Variants in DAAM1 observed in about 807,000 individuals in gnomAD.
The protein encoded by DAAM1 is dishevelled associated activator of morphogenesis 1, also known as disheveled-associated activator of morphogenesis 1.
DAAM1 carries 52 observed loss-of-function variants against 130.0 expected under a neutral mutation model. The ratio of observed to expected loss-of-function variants is 0.40; its 90% CI spans 0.32 to 0.50. The LOEUF (loss-of-function observed/expected upper bound fraction) is 0.50. DAAM1 is among the 20% of genes least tolerant of loss of function. The pLI, the probability that DAAM1 is intolerant of heterozygous loss-of-function variation, is 0.61. For synonymous variants in DAAM1, 452 were observed against 444.5 expected (o/e 1.02, Z -0.21); for missense variants, 1,134 against 1,303.8 (o/e 0.87, Z 2.01).
rs563872854 is a variant in DAAM1, at chr14:59,262,656, G to A, written c.-37-785G>A. ...AATGAGTGTATAATATTCTATTAGT[G>A]TGTGTGTGTGTGTGTGTGTGTGTGT... On this transcript the variant is annotated intron_variant, in intron 1 of 24. Coordinates refer to ENST00000360909, the MANE Select transcript of DAAM1 (RefSeq NM_001270520.2). 1.1e-3 allele frequency among the ~76,000 whole-genome samples: 27 copies of A among 24,220 alleles called. No individual in the cohort carries two copies. The South Asian group carries it at 0.031, about 28-fold the overall frequency. 15.9% of individuals were successfully genotyped at this position (24,220 alleles called of 152,430 possible). A position where few individuals can be genotyped will look rare whatever the true frequency, so the allele number is the denominator to read the frequency against.
At chr14:59,192,434 G>T (rs930677435) in intron 1 of DAAM1, among the ~76,000 whole-genome samples, 1 of 152,132 alleles carries the variant, frequency 6.6e-6, no homozygotes, top group Non-Finnish European at 1.5e-5. Context: ...CTAGGTGTTT[G>T]GTTCAGGAAA....
chr14:59,202,364 A>G (rs1888131895), intron 1 of DAAM1, among the ~76,000 whole-genome samples: 1 of 152,206 alleles, frequency 6.6e-6, no homozygotes, highest in Non-Finnish European at 1.5e-5. Flanking sequence ...GCTTTAAAAA[A>G]CATTTAGACA....
At chr14:59,264,685 T>G (rs1224014945) in intron 2 of DAAM1, 1 of 152,126 alleles carries the variant, frequency 6.6e-6, no homozygotes, top group East Asian at 1.9e-4. Context: ...GGGGTACATA[T>G]GCAGGATGTG....
At chr14:59,280,560 A>G (rs1260484040) in intron 2 of DAAM1, among the ~76,000 whole-genome samples, 1 of 64,018 alleles carries the variant, frequency 1.6e-5, no homozygotes, top group African/African-American at 6.1e-5. Flanking sequence ...TTTTTTTTTC[A>G]TTTCTGCTAT....
At chr14:59,191,497 A>T (rs1887728641) in intron 1 of DAAM1, among the ~76,000 whole-genome samples, 1 of 152,100 alleles carries the variant, frequency 6.6e-6, no homozygotes, top group African/African-American at 2.4e-5. Flanking sequence ...TATTATTTCC[A>T]CTGATAGTTC....
intron 1 of DAAM1, among the ~76,000 whole-genome samples, chr14:59,253,416 G>A (rs1357176413): frequency 6.6e-6 from 1 of 152,180 alleles, no homozygotes; most frequent in East Asian, 1.9e-4. Context: ...TTTGTTCTTT[G>A]TGATGTTTCA....
At position 59,324,350 on chromosome 14, in the gene DAAM1, G is replaced by T; in HGVS notation, c.886-1G>T. 6.4e-7 allele frequency: 1 copy of T among 1,562,020 alleles called. No homozygotes were observed. The highest frequency in any genetic ancestry group is 8.7e-7 in the Non-Finnish European group (1 of 1,153,772). On this transcript the variant is annotated splice_acceptor_variant, in intron 7 of 24. Coordinates refer to ENST00000360909, the MANE Select transcript of DAAM1 (RefSeq NM_001270520.2). LOFTEE classifies it high-confidence loss of function. The stretch of plus-strand genomic sequence containing the variant: ...GTATTTTATTGCCATTTTACTTTCA[G>T]GAGAGTTTGGACTTTAGACTTCATC...
chr14:59,289,433 A>G (rs1158454003), intron 2 of DAAM1, among the ~76,000 whole-genome samples: 2 of 152,166 alleles, frequency 1.3e-5, no homozygotes, highest in African/African-American at 4.8e-5. Flanking sequence ...CCACAATGAG[A>G]TATCATACCA....
At chr14:59,344,252 G>A (rs1885974862) in intron 16 of DAAM1, among the ~76,000 whole-genome samples, 1 of 152,194 alleles carries the variant, frequency 6.6e-6, no homozygotes, top group Non-Finnish European at 1.5e-5. Flanking sequence ...CAGAGCTAAG[G>A]CTGATCTAGC....
At chr14:59,321,211 G>C (rs1175666953) in intron 5 of DAAM1, among the ~76,000 whole-genome samples, 1 of 152,166 alleles carries the variant, frequency 6.6e-6, no homozygotes, top group East Asian at 1.9e-4. Context: ...CAGTAACAAA[G>C]GAGACCACAC....
At chr14:59,268,514 C>T (rs532323407) in intron 2 of DAAM1, among the ~76,000 whole-genome samples, 3 of 152,292 alleles carry the variant, frequency 2.0e-5, no homozygotes, top group South Asian at 2.1e-4. Flanking sequence ...TTCTTATTCA[C>T]CCCCTACCAA....
At chr14:59,213,505 A>T (rs1209772720) in intron 1 of DAAM1, among the ~76,000 whole-genome samples, 2 of 152,192 alleles carry the variant, frequency 1.3e-5, no homozygotes, top group East Asian at 3.9e-4. Flanking sequence ...CTTGCAGGCC[A>T]CTATCCCTCT....
In DAAM1 at chr14:59,367,510, C is replaced by T. The variant is rs781315256; in HGVS notation, c.2908C>T (p.Leu970Phe). 6.2e-7 allele frequency: 1 copy of T among 1,613,718 alleles called. No homozygotes were observed. The highest frequency in any genetic ancestry group is 1.3e-5 in the African/African-American group (1 of 74,870). ...DEFFGIFDQF[L>F]QAVSEAKQEN... ...GTTCTTTGGCATTTTTGATCAATTT[C>T]TTCAAGCTGTGTCAGAAGCCAAACA... Residue 970 changes from leucine (L) to phenylalanine (F), a missense_variant, in exon 24 of 25, where the codon CTT (leucine) becomes TTT (phenylalanine). Leu to Phe is a conservative substitution (Grantham distance 22). This residue lies in a region of DAAM1 where 644 missense variants were observed against 695.9 expected (regional missense o/e 0.93). Transcript: ENST00000360909.
intron 11 of DAAM1, 21 bp from the exon 12 acceptor site, chr14:59,326,912 G>T: frequency 6.2e-7 from 1 of 1,612,974 alleles, no homozygotes; most frequent in Non-Finnish European, 8.5e-7. Context: ...TGTAATAAAT[G>T]CTCCTTGAAC....
At chr14:59,230,858 C>T (rs1889083686) in intron 1 of DAAM1, among the ~76,000 whole-genome samples, 1 of 152,106 alleles carries the variant, frequency 6.6e-6, no homozygotes, top group Non-Finnish European at 1.5e-5. Context: ...CAGATATGTA[C>T]ACCTATATAC....
At chr14:59,233,970 G>T (rs970921584) in intron 1 of DAAM1, among the ~76,000 whole-genome samples, 2 of 152,094 alleles carry the variant, frequency 1.3e-5, no homozygotes, top group Non-Finnish European at 2.9e-5. Flanking sequence ...TGAGGTCTCT[G>T]TTCTGTTCCA....
Position 59,205,084 on chromosome 14 carries a change from A to G in DAAM1, c.-38+16316A>G, listed in dbSNP as rs547708259. Among the ~76,000 whole-genome samples the G allele has an allele frequency of 5.7e-4, 87 of 152,312 alleles. 1 individual carries two copies. The highest frequency in any genetic ancestry group is 1.6e-3 in the African/African-American group (65 of 41,560). ...TCATATACATAGAGAAACTAATACA[A>G]CTAGTATGAGAATCCTCCATGTTAT... On this transcript the variant is annotated intron_variant, in intron 1 of 24. Coordinates refer to ENST00000360909, the MANE Select transcript of DAAM1 (RefSeq NM_001270520.2).
At chr14:59,305,090 C>T (rs1487627817) in intron 3 of DAAM1, among the ~76,000 whole-genome samples, 1 of 152,204 alleles carries the variant, frequency 6.6e-6, no homozygotes, top group African/African-American at 2.4e-5. Flanking sequence ...GCCATTGACA[C>T]CACTGATTGA....
chr14:59,276,201 TC>T (rs1882961626), intron 2 of DAAM1, among the ~76,000 whole-genome samples: 1 of 152,238 alleles, frequency 6.6e-6, no homozygotes, highest in Non-Finnish European at 1.5e-5. Flanking sequence ...GATGAGATGG[TC>T]ATTTGCTGTA....
Sources: allele counts gnomAD v4.1 joint callset (sites outside exome capture counted in the v4.1 genomes callset), GRCh38; gene constraint gnomAD v4.1.1; regional missense constraint gnomAD v4.1.1; transcripts MANE v1.5; gene names NCBI Gene and HGNC (gene_info 2026-07-23, HGNC 2026-07-21).